The following RAB8A variants were observed in gnomAD, a reference collection of about 807,000 sequenced individuals.
RAB8A encodes the protein ras-related protein Rab-8A.
A neutral mutation model predicts 29.2 loss-of-function variants in RAB8A; 5 were observed. That is an observed-to-expected ratio of 0.17 (90% CI 0.09 to 0.36). RAB8A has a LOEUF of 0.36. RAB8A is among the 10% of genes least tolerant of loss of function. The probability of loss-of-function intolerance (pLI) is 1.00; values close to 1 mark genes in which losing one functional copy is unlikely to be tolerated. For missense variants in RAB8A, 171 were observed against 272.2 expected, an observed-to-expected ratio of 0.63 and a Z score of 2.62; for synonymous variants, 108 against 99.9, an observed-to-expected ratio of 1.08 and a Z score of -0.49.
At chr19:16,115,271 G>A (rs929082705) in intron 1 of RAB8A, among the ~76,000 whole-genome samples, 2 of 151,090 alleles carry the variant, frequency 1.3e-5, no homozygotes, top group Non-Finnish European at 3.0e-5. Context: ...CTGGGCAACA[G>A]AGCAAAACTC....
intron 7 of RAB8A, among the ~76,000 whole-genome samples, chr19:16,130,398 C>T (rs1337564490): frequency 6.6e-6 from 1 of 152,178 alleles, no homozygotes; most frequent in Non-Finnish European, 1.5e-5. Context: ...TGAGAATGCA[C>T]ATAAAATACA....
Position 16,132,164 on chromosome 19 carries a change from T to C in RAB8A, c.532-48T>C. 1 of 1,401,830 alleles carries C rather than the reference T, an allele frequency of 7.1e-7. No homozygotes were observed. Among genetic ancestry groups the C allele is most frequent in the Non-Finnish European group, 1.0e-6 (1 of 987,140 alleles). 86.8% of individuals were successfully genotyped at this position (1,401,830 alleles called of 1,614,324 possible). A position where few individuals can be genotyped will look rare whatever the true frequency, so the allele number is the denominator to read the frequency against. The stretch of plus-strand genomic sequence containing the variant: ...TGGATGGCTGGTTGATTGTGAGACG[T>C]AGTGCTGATTCTCAGTGATAACCTC... On this transcript the variant is annotated intron_variant, in intron 7 of 7. Coordinates refer to ENST00000300935, the MANE Select transcript of RAB8A (RefSeq NM_005370.5). This position sits in a 1 kb window ranked among gnomAD's most constrained non-coding sequence, Gnocchi z 5.6.
At chr19:16,124,890 C>A (rs187647626) in intron 3 of RAB8A, 2 of 169,644 alleles carry the variant, frequency 1.2e-5, no homozygotes, top group African/African-American at 4.8e-5. Flanking sequence ...CAGTTGCTCA[C>A]GTCTAGGTTA....
chr19:16,119,015 A>G (rs1472564748), intron 2 of RAB8A, among the ~76,000 whole-genome samples: 1 of 152,182 alleles, frequency 6.6e-6, no homozygotes, highest in African/African-American at 2.4e-5. Flanking sequence ...GAGAAGTCAC[A>G]TTTAAGAGCA....
At position 16,132,046 on chromosome 19, in the gene RAB8A, G is replaced by C. The variant is rs1005504520; in HGVS notation, c.532-166G>C. Among the ~76,000 whole-genome samples, 1 of 151,852 alleles carries C rather than the reference G, an allele frequency of 6.6e-6. No homozygotes were observed. The highest frequency in any genetic ancestry group is 2.4e-5 in the African/African-American group (1 of 41,334). On this transcript the variant is annotated intron_variant, in intron 7 of 7. Coordinates refer to ENST00000300935, the MANE Select transcript of RAB8A (RefSeq NM_005370.5). The surrounding 1 kb of genome is among the most constrained non-coding windows in gnomAD (Gnocchi z 5.6). ...GGTTGGATGGCTCGTTGGTTAGTTG[G>C]TTGGTTTGGCTGGTTTGATTGGTTT...
chr19:16,122,000 T>C (rs2090877649), intron 3 of RAB8A, 190 bp downstream of exon 3: 12 of 536,520 alleles, frequency 2.2e-5, no homozygotes, highest in Non-Finnish European at 2.1e-5. Context: ...ATACCTCCCC[T>C]TCTGGCTGCA....
chr19:16,120,202 A>AT (rs2090868023), intron 2 of RAB8A, among the ~76,000 whole-genome samples: 1 of 152,136 alleles, frequency 6.6e-6, no homozygotes. Flanking sequence ...CACAATCCAG[A>AT]CGTATAGAGC....
intron 2 of RAB8A, among the ~76,000 whole-genome samples, chr19:16,120,133 C>T (rs1435396102): frequency 6.6e-6 from 1 of 151,946 alleles, no homozygotes; most frequent in Non-Finnish European, 1.5e-5. Context: ...TTTTTAACCA[C>T]TCATGTCTCC....
chr19:16,124,186 G>A (rs1390779581), intron 3 of RAB8A: 1 of 151,876 alleles, frequency 6.6e-6, no homozygotes, highest in Non-Finnish European at 1.5e-5. Context: ...CAGACATCAT[G>A]GGCCACTGCA....
chr19:16,116,871 G>A (rs1005416162), intron 1 of RAB8A, among the ~76,000 whole-genome samples: 7 of 148,854 alleles, frequency 4.7e-5, no homozygotes, highest in Non-Finnish European at 8.9e-5. Context: ...CTCCAGCCTG[G>A]TGACAGAGAA....
At chr19:16,123,885 G>A (rs1343033088) in intron 3 of RAB8A, 2 of 152,068 alleles carry the variant, frequency 1.3e-5, no homozygotes, top group Non-Finnish European at 2.9e-5. Flanking sequence ...CCTGAGGGGT[G>A]TTTCCAGGAA....
intron 1 of RAB8A, 121 bp from the exon 2 acceptor site, chr19:16,118,105 C>A: frequency 1.3e-6 from 1 of 744,784 alleles, no homozygotes; most frequent in Non-Finnish European, 2.3e-6. Context: ...GCATGCCCAG[C>A]ACCAGGCAGG....
chr19:16,121,879 G>T, intron 3 of RAB8A, 69 bp downstream of exon 3: 2 of 1,451,172 alleles, frequency 1.4e-6, no homozygotes, highest in Non-Finnish European at 1.9e-6. Context: ...CTGTGCATTG[G>T]TTACCGAAGC....
chr19:16,111,894 A>G lies in RAB8A; in HGVS notation c.-8A>G. On this transcript the variant is annotated 5_prime_UTR_variant, in exon 1 of 8. Transcript: ENST00000300935. Reference sequence around the variant, plus strand: ...TGGCCGCACTTCCCGTCGGGGAGAGAGTGTAATATGGCGAAGACCTACGAT... The same window carrying G: ...TGGCCGCACTTCCCGTCGGGGAGAGGGTGTAATATGGCGAAGACCTACGAT... 1 of 1,613,716 alleles carries G rather than the reference A, an allele frequency of 6.2e-7. No homozygotes were observed. Among genetic ancestry groups the G allele is most frequent in the South Asian group, 1.1e-5 (1 of 91,082 alleles).
Position 16,128,101 on chromosome 19 carries a change from G to T in RAB8A, c.480+10G>T. The T allele has an allele frequency of 1.2e-6, 2 of 1,613,160 alleles. No homozygotes were observed. Among genetic ancestry groups the T allele is most frequent in the Non-Finnish European group, 1.7e-6 (2 of 1,179,178 alleles). On this transcript the variant is annotated intron_variant, in intron 6 of 7. Transcript: ENST00000300935. ...CATCAATGTGGAAAATGTGAGTCCC[G>T]GGCCCTGCTGGGAGACATGGGGCCT...
At chr19:16,121,978 AC>A in intron 3 of RAB8A, 168 bp downstream of exon 3, 1 of 589,750 alleles carries the variant, frequency 1.7e-6, no homozygotes, top group Admixed American at 3.0e-5. Flanking sequence ...GCCCCGGCCT[AC>A]CCCCATGTAC....
chr19:16,113,948 T>A (rs776406334), intron 1 of RAB8A, among the ~76,000 whole-genome samples: 9 of 152,040 alleles, frequency 5.9e-5, no homozygotes, highest in Non-Finnish European at 1.0e-4. Flanking sequence ...AATGAATGGC[T>A]CCTGCAGTGA....
chr19:16,121,920 C>A, intron 3 of RAB8A, 110 bp downstream of exon 3: 1 of 1,016,278 alleles, frequency 9.8e-7, no homozygotes, highest in Non-Finnish European at 1.5e-6. Context: ...CGTGCCCCAA[C>A]TCCTCAGGGC....
At chr19:16,116,049 G>T (rs556625476) in intron 1 of RAB8A, among the ~76,000 whole-genome samples, 1 of 152,330 alleles carries the variant, frequency 6.6e-6, no homozygotes, top group African/African-American at 2.4e-5. Context: ...ATACATGTAT[G>T]TCAGTTATGT....
Sources: gnomAD v4.1 joint callset for allele counts (sites outside exome capture counted in the v4.1 genomes callset) on GRCh38, gnomAD v4.1.1 for gene constraint, Gnocchi (gnomAD v3.1) non-coding constraint, MANE v1.5 for transcripts, NCBI Gene and HGNC (gene_info 2026-07-23, HGNC 2026-07-21) for gene names.